TAS2R1: variants seen among roughly 807,000 people sequenced by gnomAD.
TAS2R1 encodes taste 2 receptor member 1, also known as taste receptor type 2 member 1.
For synonymous variants in TAS2R1, 141 were observed against 134.2 expected (o/e 1.05, Z -0.35); for missense variants, 370 against 353.4 (o/e 1.05, Z -0.38).
the TAS2R1 span, among the ~76,000 whole-genome samples, chr5:9,811,204 A>C: frequency 1.3e-5 from 2 of 152,136 alleles, no homozygotes; most frequent in Non-Finnish European, 2.9e-5. Context: ...CAGCAAGAAG[A>C]AGCCATCTGT....
At chr5:9,665,747 T>A (rs896658384) in intron 1 of TAS2R1, among the ~76,000 whole-genome samples, 3 of 152,248 alleles carry the variant, frequency 2.0e-5, no homozygotes, top group African/African-American at 7.2e-5. Context: ...CGAAAAGGGC[T>A]TGTTTATTAC....
the TAS2R1 span, among the ~76,000 whole-genome samples, chr5:9,734,330 C>T: frequency 5.3e-5 from 8 of 152,288 alleles, no homozygotes; most frequent in Non-Finnish European, 1.0e-4. Flanking sequence ...ACTAACACAA[C>T]TCACTACCTT....
intron 1 of TAS2R1, among the ~76,000 whole-genome samples, chr5:9,661,518 T>C (rs553337748): frequency 1.3e-5 from 2 of 152,340 alleles, no homozygotes; most frequent in South Asian, 2.1e-4. Flanking sequence ...AAGAAAAACA[T>C]AGATACTGAT....
the TAS2R1 span, among the ~76,000 whole-genome samples, chr5:9,792,160 C>CT: frequency 2.0e-5 from 3 of 152,150 alleles, no homozygotes; most frequent in Non-Finnish European, 2.9e-5. Flanking sequence ...TACTGATCAT[C>CT]TTTTTTTTAC....
chr5:9,769,891 T>C, the TAS2R1 span, among the ~76,000 whole-genome samples: 1 of 152,200 alleles, frequency 6.6e-6, no homozygotes, highest in Non-Finnish European at 1.5e-5. Flanking sequence ...GATTCTTTCC[T>C]TGTCTGTGCA....
upstream of TAS2R1, chr5:9,630,495 TG>T (rs1739854361): frequency 6.0e-6 from 1 of 165,738 alleles, no homozygotes; most frequent in Non-Finnish European, 1.5e-5. Context: ...ACTTATGTTA[TG>T]ATGATATGGT....
At chr5:9,888,580 G>C in the TAS2R1 span, among the ~76,000 whole-genome samples, 2 of 152,166 alleles carry the variant, frequency 1.3e-5, no homozygotes, top group African/African-American at 4.8e-5. Flanking sequence ...TCACAGGGTG[G>C]ACCCAAAGCT....
chr5:9,725,517 T>A, the TAS2R1 span, among the ~76,000 whole-genome samples: 2 of 152,192 alleles, frequency 1.3e-5, no homozygotes, highest in East Asian at 3.9e-4. Context: ...CTACCGGCGC[T>A]GCGCTCGATT....
chr5:9,788,528 G>T, the TAS2R1 span, among the ~76,000 whole-genome samples: 1 of 152,062 alleles, frequency 6.6e-6, no homozygotes. Context: ...CTAATTCCTA[G>T]AATTTAAAGA....
chr5:9,749,832 A>G, the TAS2R1 span, among the ~76,000 whole-genome samples: 1 of 152,204 alleles, frequency 6.6e-6, no homozygotes, highest in African/African-American at 2.4e-5. Context: ...CTTGGAGAAC[A>G]GGTGTCCTCC....
chr5:9,645,257 A>C (rs1434846329), intron 2 of TAS2R1, among the ~76,000 whole-genome samples: 2 of 152,148 alleles, frequency 1.3e-5, no homozygotes, highest in Non-Finnish European at 2.9e-5. Context: ...TATTCTTTCC[A>C]CTTTAGAGAT....
the TAS2R1 span, among the ~76,000 whole-genome samples, chr5:9,887,749 T>A: frequency 1.3e-5 from 2 of 152,152 alleles, no homozygotes; most frequent in Non-Finnish European, 2.9e-5. Context: ...GAAACAGACA[T>A]GTCAATGAAC....
intron 1 of TAS2R1, among the ~76,000 whole-genome samples, chr5:9,704,516 T>C (rs1245435223): frequency 6.6e-6 from 1 of 152,140 alleles, no homozygotes; most frequent in Non-Finnish European, 1.5e-5. Flanking sequence ...CAGTTCACGA[T>C]GAAGAAACCA....
At chr5:9,738,054 C>A in the TAS2R1 span, among the ~76,000 whole-genome samples, 1 of 152,178 alleles carries the variant, frequency 6.6e-6, no homozygotes, top group African/African-American at 2.4e-5. Context: ...CGTTCTCTGG[C>A]CGCCCTCATA....
At chr5:9,732,266 G>A in the TAS2R1 span, among the ~76,000 whole-genome samples, 6 of 152,160 alleles carry the variant, frequency 3.9e-5, no homozygotes, top group Admixed American at 1.3e-4. Flanking sequence ...CAGAAGGCCC[G>A]AGTTCTTGGA....
the TAS2R1 span, among the ~76,000 whole-genome samples, chr5:9,743,373 G>C: frequency 6.6e-6 from 1 of 151,708 alleles, no homozygotes; most frequent in Non-Finnish European, 1.5e-5. Flanking sequence ...CAACGTGCAG[G>C]TTTGTTACAT....
chr5:9,662,646 C>G (rs1410741593), intron 1 of TAS2R1, among the ~76,000 whole-genome samples: 1 of 152,174 alleles, frequency 6.6e-6, no homozygotes, highest in African/African-American at 2.4e-5. Context: ...CTCACACACA[C>G]CCATACGTGA....
intron 1 of TAS2R1, among the ~76,000 whole-genome samples, chr5:9,663,224 A>G (rs1740571802): frequency 6.6e-6 from 1 of 152,226 alleles, no homozygotes; most frequent in African/African-American, 2.4e-5. Flanking sequence ...TATGTGCTAA[A>G]AGAAAAAATG....
At chr5:9,793,515 T>C in the TAS2R1 span, among the ~76,000 whole-genome samples, 1 of 152,148 alleles carries the variant, frequency 6.6e-6, no homozygotes, top group African/African-American at 2.4e-5. Context: ...TGTGGGGGTG[T>C]CATAAGATAG....
Sources: allele counts gnomAD v4.1 joint callset (sites outside exome capture counted in the v4.1 genomes callset), GRCh38; gene constraint gnomAD v4.1.1; transcripts MANE v1.5; gene names NCBI Gene and HGNC (gene_info 2026-07-23, HGNC 2026-07-21).